The following XRCC5 variants were observed in gnomAD, a reference collection of about 807,000 sequenced individuals.
XRCC5 encodes the protein DNA repair protein Ku80.
XRCC5 carries 12 observed loss-of-function variants against 95.7 expected under a neutral mutation model. That is an observed-to-expected ratio of 0.13 (90% CI 0.08 to 0.20). The LOEUF (loss-of-function observed/expected upper bound fraction) is 0.20, where lower values mean the gene tolerates loss of function less well. Ranked by LOEUF, XRCC5 falls within the 10% of genes least tolerant of loss-of-function variation. The pLI is 1.00. For synonymous variants in XRCC5, 281 were observed against 290.3 expected (o/e 0.97, Z 0.33); for missense variants, 595 against 873.9 (o/e 0.68, Z 4.02).
At chr2:216,111,479 A>C (rs1010468158) in intron 1 of XRCC5, 2 of 411,098 alleles carry the variant, frequency 4.9e-6, no homozygotes, top group Non-Finnish European at 9.8e-6. Context: ...AGCCATGATC[A>C]TGCCACTGTA....
At chr2:216,136,955 C>T (rs41296380) in intron 10 of XRCC5, 133 bp from the exon 11 acceptor site, 18,695 of 1,022,974 alleles carry the variant, frequency 0.018, 216 homozygotes, top group Middle Eastern at 0.024. Flanking sequence ...GTGTGCACTT[C>T]GTCCTTCAAG....
intron 19 of XRCC5, among the ~76,000 whole-genome samples, chr2:216,199,936 A>G (rs976243260): frequency 3.3e-5 from 5 of 150,708 alleles, no homozygotes; most frequent in Admixed American, 1.3e-4. Flanking sequence ...GTAACTGCCT[A>G]ATTTATCCTT....
In XRCC5 at chr2:216,137,102, A is replaced by G; in HGVS notation, c.1128A>G (p.Ala376=). ...TTTCTTACCAGGCAGCTGCAGTTGC[A>G]CTTTCCTCCCTGATTCATGCTTTGG... The part of the protein sequence containing the change: ...AARDDEAAAV[A]LSSLIHALDD... The change falls in exon 11 of 21, where the codon GCA becomes GCG. Residue 376 remains alanine, a synonymous_variant. Transcript: ENST00000392132. 6.2e-7 allele frequency: 1 copy of G among 1,613,394 alleles called. No individual in the cohort carries two copies. The highest frequency in any genetic ancestry group is 1.1e-5 in the South Asian group (1 of 90,850).
intron 14 of XRCC5, 118 bp downstream of exon 14, chr2:216,148,394 G>A (rs1688679216): frequency 6.6e-6 from 6 of 912,950 alleles, no homozygotes; most frequent in Non-Finnish European, 9.7e-6. Context: ...AGAGGAAGAA[G>A]CCTTTTGCTA....
intron 11 of XRCC5, 130 bp downstream of exon 11, chr2:216,137,355 C>G (rs41296384): frequency 0.028 from 29,654 of 1,076,832 alleles, 468 homozygotes; most frequent in Middle Eastern, 0.039. Context: ...TTGTGTAGTT[C>G]TGGGGCAGGG....
intron 6 of XRCC5, among the ~76,000 whole-genome samples, chr2:216,122,533 A>G (rs923278998): frequency 1.3e-5 from 2 of 152,280 alleles, no homozygotes; most frequent in South Asian, 4.1e-4. Flanking sequence ...ATTGCAAAAG[A>G]TGAAATAGTA....
chr2:216,156,820 G>A, intron 14 of XRCC5: 1 of 453,944 alleles, frequency 2.2e-6, no homozygotes. Flanking sequence ...ATTTTTCAAG[G>A]TAACAGACAC....
chr2:216,190,446 A>G lies in XRCC5; in HGVS notation c.1944+112A>G, dbSNP rs1240493239. Reference sequence around the variant, plus strand: ...TGGGCCGTGGAAATTATCATTCTCAATATGAATAGCAGTGTATGCCAGTGG... The same window carrying G: ...TGGGCCGTGGAAATTATCATTCTCAGTATGAATAGCAGTGTATGCCAGTGG... On this transcript the variant is annotated intron_variant, in intron 17 of 20. Coordinates refer to ENST00000392132, the MANE Select transcript of XRCC5 (RefSeq NM_021141.4). 7.7e-6 allele frequency: 7 copies of G among 903,372 alleles called. No individual in the cohort carries two copies. The African/African-American group carries it at 1.0e-4, about 13-fold the overall frequency. The allele number at this position is 903,372 out of a possible 1,614,324, so 56.0% of individuals were successfully genotyped here.
intron 4 of XRCC5, 83 bp from the exon 5 acceptor site, chr2:216,118,960 C>A: frequency 1.4e-6 from 2 of 1,441,822 alleles, no homozygotes; most frequent in Admixed American, 1.8e-5. Flanking sequence ...CTAAGCTTCT[C>A]TCCTCAGTGA....
At chr2:216,178,747 A>C (rs573361416) in intron 16 of XRCC5, among the ~76,000 whole-genome samples, 1 of 152,204 alleles carries the variant, frequency 6.6e-6, no homozygotes, top group African/African-American at 2.4e-5. Flanking sequence ...CATCTCTGTA[A>C]AATTAAGGGA....
intron 13 of XRCC5, among the ~76,000 whole-genome samples, chr2:216,142,381 T>A (rs1697186473): frequency 6.6e-6 from 1 of 152,024 alleles, no homozygotes; most frequent in South Asian, 2.1e-4. Context: ...TAAAGAATAA[T>A]TAAAATACAG....
At chr2:216,156,373 G>C (rs1688842884) in intron 14 of XRCC5, 3 of 765,038 alleles carry the variant, frequency 3.9e-6, no homozygotes, top group South Asian at 2.7e-5. Flanking sequence ...GGGGTCTTTG[G>C]GCAACCCTTC....
chr2:216,161,884 G>T, intron 15 of XRCC5, 95 bp from the exon 16 acceptor site: 1 of 997,126 alleles, frequency 1.0e-6, no homozygotes. Context: ...TATTTTATAA[G>T]AGCACACTTA....
At chr2:216,116,618 T>A (rs1430822773) in intron 2 of XRCC5, 41 bp from the exon 3 acceptor site, 1 of 1,612,520 alleles carries the variant, frequency 6.2e-7, no homozygotes, top group Non-Finnish European at 8.5e-7. Context: ...GCTTCCAGAT[T>A]GTTCTAATAT....
At position 216,116,664 on chromosome 2, in the gene XRCC5, T is replaced by C; in HGVS notation, c.141T>C (p.Phe47=). 6.2e-7 allele frequency: 1 copy of C among 1,614,224 alleles called. No homozygotes were observed. Among genetic ancestry groups the C allele is most frequent in the Non-Finnish European group, 8.5e-7 (1 of 1,180,028 alleles). Residue 47 remains phenylalanine (F), a synonymous_variant, in exon 3 of 21, where the codon TTT becomes TTC. Transcript: ENST00000392132. The stretch of plus-strand genomic sequence containing the variant: ...CATCTGACATTTTTTTCTAGGTGTT[T>C]GCTGAGAACAAGGATGAGATTGCTT... ...VITMFVQRQV[F]AENKDEIALV... is the part of the protein sequence containing the mutation.
chr2:216,109,359 C>G lies in XRCC5; in HGVS notation c.-78C>G. 6.2e-7 allele frequency: 1 copy of G among 1,608,686 alleles called. No individual in the cohort carries two copies. Among genetic ancestry groups the G allele is most frequent in the Non-Finnish European group, 8.5e-7 (1 of 1,177,408 alleles). ...AAGCGGCTCTTTCCGCTATCTGCCG[C>G]TTGTCCACCGGAAGCGAGTTGCGAC... On this transcript the variant is annotated 5_prime_UTR_variant, in exon 1 of 21. Transcript: ENST00000392132.
At chr2:216,157,172 G>A (rs912692601) in intron 14 of XRCC5, among the ~76,000 whole-genome samples, 2 of 151,576 alleles carry the variant, frequency 1.3e-5, no homozygotes, top group Admixed American at 6.6e-5. Context: ...CTCTCACTAC[G>A]TCCCAGCTTT....
intron 6 of XRCC5, among the ~76,000 whole-genome samples, chr2:216,122,532 G>T (rs947442953): frequency 5.9e-5 from 9 of 151,552 alleles, no homozygotes; most frequent in African/African-American, 1.9e-4. Flanking sequence ...AATTGCAAAA[G>T]ATGAAATAGT....
chr2:216,136,557 A>G (rs1697083791), intron 10 of XRCC5, among the ~76,000 whole-genome samples: 1 of 152,054 alleles, frequency 6.6e-6, no homozygotes, highest in Non-Finnish European at 1.5e-5. Context: ...AAGTATATAG[A>G]GACAGTGGAA....
Sources: gnomAD v4.1 joint callset for allele counts (sites outside exome capture counted in the v4.1 genomes callset) on GRCh38, gnomAD v4.1.1 for gene constraint, MANE v1.5 for transcripts, NCBI Gene and HGNC (gene_info 2026-07-23, HGNC 2026-07-21) for gene names.